Variants in DUSP16 observed in about 807,000 individuals in gnomAD.
The protein encoded by DUSP16 is dual specificity phosphatase 16.
DUSP16 carries 21 observed loss-of-function variants against 58.3 expected under a neutral mutation model. The observed-to-expected ratio is 0.36, with a 90% CI of 0.26 to 0.52. DUSP16 has a LOEUF of 0.52. Among genes scored for constraint, DUSP16 ranks in the 20% least tolerant of loss-of-function variants. The probability of loss-of-function intolerance (pLI) is 0.94; values close to 1 mark genes in which losing one functional copy is unlikely to be tolerated. For missense variants in DUSP16, 726 were observed against 819.0 expected (o/e 0.89, Z 1.39); for synonymous variants, 320 against 323.8 (o/e 0.99, Z 0.12).
At chr12:12,534,799 G>C (rs1262441957) in intron 1 of DUSP16, among the ~76,000 whole-genome samples, 3 of 152,094 alleles carry the variant, frequency 2.0e-5, no homozygotes, top group Non-Finnish European at 4.4e-5. Flanking sequence ...TAAAATCTTT[G>C]ATTTGTTACT....
intron 2 of DUSP16, among the ~76,000 whole-genome samples, chr12:12,520,565 G>T (rs954939326): frequency 2.6e-5 from 4 of 152,184 alleles, no homozygotes; most frequent in African/African-American, 9.7e-5. Context: ...TGAAAAGAAT[G>T]ACTTTCCTTT....
intron 1 of DUSP16, among the ~76,000 whole-genome samples, chr12:12,530,514 A>T (rs573602443): frequency 1.3e-5 from 2 of 152,300 alleles, no homozygotes; most frequent in South Asian, 2.1e-4. Flanking sequence ...AGCTTGACAT[A>T]ATCCCATTTG....
chr12:12,500,700 A>G lies in DUSP16; in HGVS notation c.368-18T>C. 1 of 1,509,816 alleles carries G rather than the reference A, an allele frequency of 6.6e-7. No individual in the cohort carries two copies. The highest frequency in any genetic ancestry group is 8.8e-7 in the Non-Finnish European group (1 of 1,134,434). The allele number at this position is 1,509,816 out of a possible 1,614,324, so 93.5% of individuals were successfully genotyped here. A position where few individuals can be genotyped will look rare whatever the true frequency, so the allele number is the denominator to read the frequency against. ...AAACCCACCTAAGAATAAACATTAT[A>G]AAATTATAAAAAATTATGCCACGCA... On this transcript the variant is annotated intron_variant, in intron 3 of 6. Transcript: ENST00000298573.
chr12:12,490,259 A>C (rs1943743061), intron 4 of DUSP16, among the ~76,000 whole-genome samples: 1 of 152,234 alleles, frequency 6.6e-6, no homozygotes, highest in Non-Finnish European at 1.5e-5. Context: ...GAAAAAATTA[A>C]ATAATTTCAA....
intron 1 of DUSP16, among the ~76,000 whole-genome samples, chr12:12,556,501 G>A (rs1280734715): frequency 6.6e-6 from 1 of 152,124 alleles, no homozygotes; most frequent in South Asian, 2.1e-4. Flanking sequence ...CTTGAGCCCA[G>A]GAGTTTGAGA....
intron 4 of DUSP16, among the ~76,000 whole-genome samples, chr12:12,491,790 C>A (rs531833199): frequency 6.6e-6 from 1 of 152,282 alleles, no homozygotes; most frequent in Non-Finnish European, 1.5e-5. Flanking sequence ...TTACCAATTA[C>A]CACAAACCCT....
chr12:12,505,244 T>C (rs1943975305), intron 3 of DUSP16, among the ~76,000 whole-genome samples: 1 of 152,200 alleles, frequency 6.6e-6, no homozygotes. Context: ...CAACTCTCCC[T>C]TGGATGCAGG....
intron 1 of DUSP16, among the ~76,000 whole-genome samples, chr12:12,523,175 C>T (rs950655387): frequency 1.3e-5 from 2 of 152,178 alleles, no homozygotes; most frequent in African/African-American, 2.4e-5. Context: ...AATCACATAA[C>T]CTCTCTAAAC....
In DUSP16 at chr12:12,473,393, T is replaced by G. The variant is rs1195171673; in HGVS notation, c.*3440A>C. 6.6e-6 allele frequency among the ~76,000 whole-genome samples: 1 copy of G among 152,192 alleles called. No homozygotes were observed. Among genetic ancestry groups the G allele is most frequent in the Non-Finnish European group, 1.5e-5 (1 of 68,036 alleles). The stretch of plus-strand genomic sequence containing the variant: ...AGCACTGTCAGCAACTGGCCTGAAC[T>G]TCAGGCTCTCCCAAGATCTGCATCT... On this transcript the variant is annotated 3_prime_UTR_variant, in exon 7 of 7. Transcript: ENST00000298573.
At chr12:12,482,674 G>A (rs2136192024) in intron 5 of DUSP16, among the ~76,000 whole-genome samples, 1 of 152,332 alleles carries the variant, frequency 6.6e-6, no homozygotes, top group African/African-American at 2.4e-5. Flanking sequence ...TTTCAAAGGT[G>A]GGAAGCAGGT....
intron 1 of DUSP16, among the ~76,000 whole-genome samples, chr12:12,525,729 T>TACAC (rs1214393933): frequency 9.4e-6 from 1 of 106,488 alleles, no homozygotes. Context: ...AAAATATATG[T>TACAC]ATACACACAC....
rs56190302 is a variant in DUSP16, at chr12:12,560,946, T to TCACACACCCACA, written c.-366+1170_-366+1171insTGTGGGTGTGTG. On this transcript the variant is annotated intron_variant, in intron 1 of 6. Transcript: ENST00000298573. ...TAAACTTTTGCATGGATGGTAAATT[T>TCACACACCCACA]CACACACACACACACACACAGAGGC... 1.6e-3 allele frequency: 231 copies of TCACACACCCACA among 148,248 alleles called. 1 individual carries two copies. Among genetic ancestry groups the TCACACACCCACA allele is most frequent in the African/African-American group, 5.6e-3 (222 of 39,878 alleles). The allele number at this position is 148,248 out of a possible 1,614,324, so 9.2% of individuals were successfully genotyped here.
intron 4 of DUSP16, among the ~76,000 whole-genome samples, chr12:12,497,972 G>C (rs1050374117): frequency 6.6e-6 from 1 of 150,758 alleles, no homozygotes; most frequent in Admixed American, 6.6e-5. Flanking sequence ...CCATCTCAAA[G>C]AAACAAAACA....
In DUSP16 at chr12:12,500,663, A is replaced by G. The variant is rs1254868586; in HGVS notation, c.387T>C (p.Ser129=). 1.9e-6 allele frequency: 3 copies of G among 1,594,908 alleles called. No homozygotes were observed. The South Asian group carries it at 3.4e-5, about 18-fold the overall frequency. ...CTTCACAGAGGCCAGGGAAACAACG[A>G]GAGAACTCAGCAAACCCACCTAAGA... is the stretch of plus-strand genomic sequence containing the variant. ...HLLAGGFAEF[S]RCFPGLCEGK... is the part of the protein sequence containing the mutation. The change falls in exon 4 of 7, where the codon TCT becomes TCC. Residue 129 remains serine, a synonymous_variant. Coordinates refer to ENST00000298573, the MANE Select transcript of DUSP16 (RefSeq NM_030640.3).
intron 1 of DUSP16, among the ~76,000 whole-genome samples, chr12:12,550,823 T>C (rs539371595): frequency 3.0e-4 from 46 of 151,966 alleles, no homozygotes; most frequent in Non-Finnish European, 6.2e-4. Context: ...CAAACCACCA[T>C]GGCATGTGTA....
intron 1 of DUSP16, among the ~76,000 whole-genome samples, chr12:12,545,435 T>C (rs1165035789): frequency 2.1e-5 from 3 of 139,726 alleles, no homozygotes; most frequent in Non-Finnish European, 4.5e-5. Context: ...CCCAGCTAAT[T>C]TGTGTACTTT....
In DUSP16 at chr12:12,473,368, A is replaced by G. The variant is rs1943353303; in HGVS notation, c.*3465T>C. On this transcript the variant is annotated 3_prime_UTR_variant, in exon 7 of 7. Coordinates refer to ENST00000298573, the MANE Select transcript of DUSP16 (RefSeq NM_030640.3). Reference sequence around the variant, plus strand: ...TGAGGCTGGTCATGAAGGGGCTCCGAGCACTGTCAGCAACTGGCCTGAACT... The same window carrying G: ...TGAGGCTGGTCATGAAGGGGCTCCGGGCACTGTCAGCAACTGGCCTGAACT... 6.6e-6 allele frequency among the ~76,000 whole-genome samples: 1 copy of G among 152,120 alleles called. No homozygotes were observed. Among genetic ancestry groups the G allele is most frequent in the African/African-American group, 2.4e-5 (1 of 41,414 alleles).
intron 1 of DUSP16, among the ~76,000 whole-genome samples, chr12:12,552,912 C>A (rs1944753149): frequency 6.6e-6 from 1 of 151,964 alleles, no homozygotes; most frequent in Admixed American, 6.6e-5. Flanking sequence ...TCCCAAGTAG[C>A]TGGGATTACA....
intron 4 of DUSP16, among the ~76,000 whole-genome samples, chr12:12,494,159 T>C (rs910438281): frequency 6.6e-6 from 1 of 152,232 alleles, no homozygotes; most frequent in African/African-American, 2.4e-5. Context: ...CAAGTCACTG[T>C]AAAATATCAT....
Sources: gnomAD v4.1 joint callset for allele counts (sites outside exome capture counted in the v4.1 genomes callset) on GRCh38, gnomAD v4.1.1 for gene constraint, MANE v1.5 for transcripts, NCBI Gene and HGNC (gene_info 2026-07-23, HGNC 2026-07-21) for gene names.